The following SORCS3 variants were observed in gnomAD, a reference collection of about 807,000 sequenced individuals.
SORCS3 encodes the protein sortilin related VPS10 domain containing receptor 3.
Under a neutral mutation model 146.3 loss-of-function variants are expected in SORCS3, and 57 were observed. The ratio of observed to expected loss-of-function variants is 0.39; its 90% CI spans 0.31 to 0.49. The LOEUF is 0.49. Ranked by LOEUF, SORCS3 falls within the 20% of genes least tolerant of loss-of-function variation. The probability of loss-of-function intolerance (pLI) is 0.92; values close to 1 mark genes in which losing one functional copy is unlikely to be tolerated. For synonymous variants in SORCS3, 653 were observed against 618.5 expected, an observed-to-expected ratio of 1.06 and a Z score of -0.83; for missense variants, 1,341 against 1,575.5, an observed-to-expected ratio of 0.85 and a Z score of 2.52.
intron 2 of SORCS3, among the ~76,000 whole-genome samples, chr10:104,846,203 T>C (rs2018202488): frequency 6.6e-6 from 1 of 152,180 alleles, no homozygotes; most frequent in African/African-American, 2.4e-5. Flanking sequence ...TCCTAAACTT[T>C]CTGGGGGTTT....
At chr10:104,821,720 G>A (rs889894148) in intron 1 of SORCS3, among the ~76,000 whole-genome samples, 17 of 152,168 alleles carry the variant, frequency 1.1e-4, no homozygotes, top group African/African-American at 4.1e-4. Flanking sequence ...TCTGGGGTAC[G>A]AGGAGCCTCT....
At chr10:104,974,611 T>C (rs55880985) in intron 3 of SORCS3, among the ~76,000 whole-genome samples, 13,310 of 152,008 alleles carry the variant, frequency 0.088, 714 homozygotes, top group African/African-American at 0.16. Context: ...GATGGGTTTC[T>C]TGAATACAGC....
chr10:104,851,131 TCTTA>T (rs1180926788), intron 2 of SORCS3, among the ~76,000 whole-genome samples: 3 of 152,222 alleles, frequency 2.0e-5, no homozygotes, highest in Non-Finnish European at 4.4e-5. Context: ...CCCTCAGACA[TCTTA>T]CTTTGCTAGA....
At chr10:105,200,230 A>G in intron 15 of SORCS3, 114 bp downstream of exon 15, 1 of 765,868 alleles carries the variant, frequency 1.3e-6, no homozygotes, top group East Asian at 2.6e-5. Flanking sequence ...GGGTCATCTG[A>G]GGATGTGGGT....
chr10:104,705,144 T>A (rs975705619), intron 1 of SORCS3, among the ~76,000 whole-genome samples: 2 of 152,036 alleles, frequency 1.3e-5, no homozygotes, highest in Non-Finnish European at 2.9e-5. Context: ...AAAAAATACA[T>A]AATGCCCTGG....
chr10:104,941,393 A>G (rs1404176182), intron 3 of SORCS3, among the ~76,000 whole-genome samples: 1 of 152,190 alleles, frequency 6.6e-6, no homozygotes, highest in African/African-American at 2.4e-5. Flanking sequence ...AAGGAAGAAT[A>G]GAAAATGTCT....
intron 5 of SORCS3, among the ~76,000 whole-genome samples, chr10:105,059,193 T>C (rs917055867): frequency 6.6e-6 from 1 of 152,092 alleles, no homozygotes; most frequent in Non-Finnish European, 1.5e-5. Flanking sequence ...TACAAACTGG[T>C]TCCCCCTTAT....
chr10:105,042,324 T>A (rs1008304395), intron 4 of SORCS3, among the ~76,000 whole-genome samples: 1 of 152,192 alleles, frequency 6.6e-6, no homozygotes, highest in Non-Finnish European at 1.5e-5. Flanking sequence ...CTACCTTCCT[T>A]TCAGGATTGT....
chr10:104,724,262 C>T (rs1031741050), intron 1 of SORCS3, among the ~76,000 whole-genome samples: 226 of 152,124 alleles, frequency 1.5e-3, no homozygotes, highest in Non-Finnish European at 2.5e-3. Flanking sequence ...TATGAAATTC[C>T]GGGTTGAAAA....
chr10:105,191,527 A>G (rs377278580), intron 14 of SORCS3, among the ~76,000 whole-genome samples: 2 of 152,188 alleles, frequency 1.3e-5, no homozygotes, highest in African/African-American at 4.8e-5. Flanking sequence ...CAATAGACCA[A>G]GTAGTCCAAA....
chr10:105,049,821 G>A (rs1018822815), intron 5 of SORCS3, among the ~76,000 whole-genome samples: 5 of 152,132 alleles, frequency 3.3e-5, no homozygotes, highest in East Asian at 3.9e-4. Context: ...AGAAGGGTGC[G>A]AGGAGGGCAA....
intron 5 of SORCS3, among the ~76,000 whole-genome samples, chr10:105,054,107 TA>T (rs1275386940): frequency 6.6e-6 from 1 of 152,104 alleles, no homozygotes; most frequent in Non-Finnish European, 1.5e-5. Flanking sequence ...GTGTATTTAT[TA>T]ACCATTGTAT....
chr10:105,158,866 T>C (rs1345618470), intron 10 of SORCS3, 26 bp from the exon 11 acceptor site: 2 of 1,562,078 alleles, frequency 1.3e-6, no homozygotes, highest in East Asian at 2.2e-5. Flanking sequence ...TTTCCTAGAA[T>C]GAAACTATTT....
chr10:105,146,207 G>A (rs1003603279), intron 8 of SORCS3, among the ~76,000 whole-genome samples: 1 of 151,992 alleles, frequency 6.6e-6, no homozygotes, highest in African/African-American at 2.4e-5. Flanking sequence ...ATGTCCTCCT[G>A]ACTGTGTAAG....
chr10:105,063,037 A>T (rs2055498398), intron 5 of SORCS3, among the ~76,000 whole-genome samples: 1 of 152,228 alleles, frequency 6.6e-6, no homozygotes, highest in African/African-American at 2.4e-5. Flanking sequence ...TATGTCATTA[A>T]TCGCTAATTG....
chr10:104,687,600 G>T (rs1176947059), intron 1 of SORCS3, among the ~76,000 whole-genome samples: 4 of 152,112 alleles, frequency 2.6e-5, no homozygotes, highest in Admixed American at 1.3e-4. Context: ...AAGTGTGAGT[G>T]GGTACCATGC....
chr10:105,241,917 G>C (rs1424681157), intron 20 of SORCS3, among the ~76,000 whole-genome samples: 3 of 152,148 alleles, frequency 2.0e-5, no homozygotes, highest in Non-Finnish European at 2.9e-5. Flanking sequence ...TATATGTAAA[G>C]TAGGTGAAGA....
intron 5 of SORCS3, among the ~76,000 whole-genome samples, chr10:105,067,258 G>T (rs1434247861): frequency 1.3e-5 from 2 of 152,212 alleles, no homozygotes; most frequent in Admixed American, 1.3e-4. Flanking sequence ...CAGGCATGGT[G>T]GCTCAAGCCT....
At chr10:104,883,530 C>G (rs201645898) in intron 2 of SORCS3, among the ~76,000 whole-genome samples, 1 of 152,162 alleles carries the variant, frequency 6.6e-6, no homozygotes, top group Non-Finnish European at 1.5e-5. Context: ...GACTTTACCT[C>G]ATTTATTAGC....
Sources: allele counts gnomAD v4.1 joint callset (sites outside exome capture counted in the v4.1 genomes callset), GRCh38; gene constraint gnomAD v4.1.1; transcripts MANE v1.5; gene names NCBI Gene and HGNC (gene_info 2026-07-23, HGNC 2026-07-21).